AKAP9: variants seen among roughly 807,000 people sequenced by gnomAD.
The protein encoded by AKAP9 is A-kinase anchoring protein 9, also known as A-kinase anchor protein 9.
A neutral mutation model predicts 488.5 loss-of-function variants in AKAP9; 311 were observed. That is an observed-to-expected ratio of 0.64 (90% CI 0.58 to 0.70). The LOEUF (loss-of-function observed/expected upper bound fraction) is 0.70. Ranked by LOEUF, AKAP9 falls within the 30% of genes least tolerant of loss-of-function variation. The pLI, the probability that AKAP9 is intolerant of heterozygous loss-of-function variation, is 0.00. For synonymous variants in AKAP9, 1,462 were observed against 1,483.5 expected (o/e 0.99, Z 0.33); for missense variants, 4,215 against 4,374.5 (o/e 0.96, Z 1.03).
At chr7:92,095,248 T>C (rs1206858299) in intron 40 of AKAP9, 75 bp downstream of exon 40, 2 of 1,542,504 alleles carry the variant, frequency 1.3e-6, no homozygotes, top group Non-Finnish European at 1.8e-6. Context: ...TTCCTCCATC[T>C]AAAATGTCAA....
At position 92,102,637 on chromosome 7, in the gene AKAP9, C is replaced by T. The variant is rs761912895; in HGVS notation, c.11141C>T (p.Ala3714Val). 1 of 1,614,174 alleles carries T rather than the reference C, an allele frequency of 6.2e-7. No homozygotes were observed. The highest frequency in any genetic ancestry group is 8.5e-7 in the Non-Finnish European group (1 of 1,180,026). ...KYLRAESFRK[A>V]LIYQKKYLLL... ...TTGAGGGCAGAAAGTTTTCGAAAGG[C>T]TCTCATTTACCAGAAGAAATACCTG... Residue 3714 changes from alanine to valine, a missense_variant, in exon 46 of 50, where the codon GCT becomes GTT. Ala to Val is a moderately conservative substitution (Grantham distance 64, BLOSUM62 0). This residue lies in a region of AKAP9 where 253 missense variants were observed against 266.8 expected (regional missense o/e 0.95). Transcript: ENST00000356239.
chr7:92,031,586 A>G lies in AKAP9; in HGVS notation c.4320A>G (p.Leu1440=), dbSNP rs768833612. The change falls in exon 16 of 50, where the codon TTA becomes TTG. Residue 1440 remains leucine, a synonymous_variant. Transcript: ENST00000356239. ...KLLEKQYQEQ[L]EEEVAKVIVS... ...TTGAAAAACAATACCAAGAACAATT[A>G]GAAGAAGAAGTAGCTAAGGTAGGCT... 6.2e-7 allele frequency: 1 copy of G among 1,609,896 alleles called. No individual in the cohort carries two copies. The highest frequency in any genetic ancestry group is 2.2e-5 in the East Asian group (1 of 44,662).
Position 92,071,011 on chromosome 7 carries a change from TA to T in AKAP9, c.6612+4del. 6.3e-7 allele frequency: 1 copy of T among 1,598,988 alleles called. No homozygotes were observed. Among genetic ancestry groups the T allele is most frequent in the Non-Finnish European group, 8.6e-7 (1 of 1,166,464 alleles). On this transcript the variant is annotated splice_donor_region_variant and intron_variant, in intron 28 of 49. Transcript: ENST00000356239. Reference sequence around the variant, plus strand: ...GCCATAGACAGAAAGGAAAAAGAGGTAAGGAGTTTATTTTTAAATGACACAG... The same window carrying T: ...GCCATAGACAGAAAGGAAAAAGAGGTAGGAGTTTATTTTTAAATGACACAG...
chr7:91,948,814 A>G (rs35384347), intron 1 of AKAP9, among the ~76,000 whole-genome samples: 1,586 of 150,924 alleles, frequency 0.011, 26 homozygotes, highest in African/African-American at 0.037. Flanking sequence ...GGGTTTCACC[A>G]TGTTGGCCAG....
chr7:92,006,148 C>A (rs1055309122), intron 8 of AKAP9, among the ~76,000 whole-genome samples: 5 of 151,636 alleles, frequency 3.3e-5, no homozygotes, highest in African/African-American at 1.2e-4. Context: ...TTCTAATTTT[C>A]TTTTTCTTTT....
chr7:92,008,437 C>T (rs1241757199), intron 8 of AKAP9, among the ~76,000 whole-genome samples: 1 of 152,156 alleles, frequency 6.6e-6, no homozygotes, highest in East Asian at 1.9e-4. Flanking sequence ...CCTGTAATCC[C>T]AGCACTTTGG....
At chr7:91,948,770 C>T (rs921940898) in intron 1 of AKAP9, among the ~76,000 whole-genome samples, 2 of 151,964 alleles carry the variant, frequency 1.3e-5, no homozygotes, top group Admixed American at 1.3e-4. Context: ...CACCACCATG[C>T]CCGATTAATT....
At chr7:92,050,249 T>A (rs948283846) in intron 21 of AKAP9, among the ~76,000 whole-genome samples, 4 of 146,772 alleles carry the variant, frequency 2.7e-5, no homozygotes, top group African/African-American at 1.0e-4. Flanking sequence ...ATTTTTGTAA[T>A]TTTTTTTTTT....
At chr7:92,100,514 T>TC (rs1036466633) in intron 44 of AKAP9, among the ~76,000 whole-genome samples, 1 of 152,250 alleles carries the variant, frequency 6.6e-6, no homozygotes, top group Non-Finnish European at 1.5e-5. Context: ...CTTGTTTTTT[T>TC]CCCACTTCTC....
In AKAP9 at chr7:92,108,477, T is replaced by C. The variant is rs1280697612; in HGVS notation, c.11547-17T>C. ...TTCTGGATAACTTGATTCATGTACA[T>C]ATTTTTAATCCTTTAGGTACCCAGG... On this transcript the variant is annotated splice_polypyrimidine_tract_variant and intron_variant, in intron 48 of 49. Coordinates refer to ENST00000356239, the MANE Select transcript of AKAP9 (RefSeq NM_005751.5). The C allele has an allele frequency of 1.9e-6, 3 of 1,613,374 alleles. No individual in the cohort carries two copies. Among genetic ancestry groups the C allele is most frequent in the Admixed American group, 1.7e-5 (1 of 60,018 alleles).
intron 7 of AKAP9, 61 bp downstream of exon 7, chr7:91,995,861 T>G (rs1407180240): frequency 7.6e-7 from 1 of 1,314,554 alleles, no homozygotes; most frequent in Admixed American, 2.2e-5. Flanking sequence ...AAGTTTTTTA[T>G]GCAAGTGGTT....
At chr7:92,042,438 C>T (rs1443894806) in intron 19 of AKAP9, among the ~76,000 whole-genome samples, 2 of 152,146 alleles carry the variant, frequency 1.3e-5, no homozygotes, top group African/African-American at 4.8e-5. Context: ...TGCACTACAG[C>T]ATGGATAATT....
At chr7:92,030,033 C>G (rs1803964803) in intron 15 of AKAP9, 42 bp downstream of exon 15, 2 of 1,290,362 alleles carry the variant, frequency 1.5e-6, no homozygotes, top group Non-Finnish European at 2.2e-6. Context: ...GTTATATACA[C>G]TGATTTTTCT....
chr7:92,065,106 C>G, intron 24 of AKAP9, 125 bp from the exon 25 acceptor site: 1 of 549,304 alleles, frequency 1.8e-6, no homozygotes, highest in Non-Finnish European at 3.2e-6. Flanking sequence ...TATTTACTTT[C>G]ATGTGTATTT....
chr7:92,080,582 AGAGC>A (rs1813365836), intron 31 of AKAP9, among the ~76,000 whole-genome samples: 1 of 149,072 alleles, frequency 6.7e-6, no homozygotes, highest in African/African-American at 2.5e-5. Context: ...CCTGGGTGAC[AGAGC>A]GAGACTCCAT....
At chr7:91,959,219 A>G (rs1793416640) in intron 1 of AKAP9, among the ~76,000 whole-genome samples, 1 of 152,152 alleles carries the variant, frequency 6.6e-6, no homozygotes. Flanking sequence ...ATGTTATTAC[A>G]TTGCATAGTT....
At chr7:92,074,513 T>G (rs1429648977) in intron 28 of AKAP9, among the ~76,000 whole-genome samples, 1 of 152,186 alleles carries the variant, frequency 6.6e-6, no homozygotes, top group East Asian at 1.9e-4. Context: ...CATTACTGGG[T>G]ATATACCCAA....
intron 7 of AKAP9, among the ~76,000 whole-genome samples, chr7:91,999,384 C>A (rs1186813860): frequency 6.6e-6 from 1 of 152,076 alleles, no homozygotes; most frequent in African/African-American, 2.4e-5. Flanking sequence ...CAGCCCCACG[C>A]CCAGCTAGTT....
chr7:91,952,672 T>C (rs1792407174), intron 1 of AKAP9, among the ~76,000 whole-genome samples: 1 of 152,200 alleles, frequency 6.6e-6, no homozygotes, highest in South Asian at 2.1e-4. Context: ...CCTTGTTTGG[T>C]ATTATTGGAG....
Sources: allele counts gnomAD v4.1 joint callset (sites outside exome capture counted in the v4.1 genomes callset), GRCh38; gene constraint gnomAD v4.1.1; regional missense constraint gnomAD v4.1.1; transcripts MANE v1.5; gene names NCBI Gene and HGNC (gene_info 2026-07-23, HGNC 2026-07-21).